The following HECTD4 variants were observed in gnomAD, a reference collection of about 807,000 sequenced individuals.
HECTD4 encodes HECT domain E3 ubiquitin protein ligase 4.
Under a neutral mutation model 471.5 loss-of-function variants are expected in HECTD4, and 114 were observed. The ratio of observed to expected loss-of-function variants is 0.24; its 90% CI spans 0.21 to 0.28. HECTD4 has a LOEUF of 0.28. HECTD4 is among the 10% of genes least tolerant of loss of function. The pLI, the probability that HECTD4 is intolerant of heterozygous loss-of-function variation, is 1.00. For synonymous variants in HECTD4, 2,012 were observed against 2,256.0 expected, an observed-to-expected ratio of 0.89 and a Z score of 3.07; for missense variants, 3,866 against 5,651.5, an observed-to-expected ratio of 0.68 and a Z score of 10.13.
In HECTD4 at chr12:112,190,942, C is replaced by G; in HGVS notation, c.9316G>C (p.Val3106Leu). The change falls in exon 60 of 76, where the codon GTC becomes CTC. Residue 3106 changes from valine to leucine, a missense_variant. Val to Leu is a conservative substitution (Grantham distance 32, BLOSUM62 1). Around this residue, in one of 16 missense-constraint regions of HECTD4, gnomAD observed 364 missense variants for 413.2 expected, o/e 0.88. Transcript: ENST00000682272. ...KLGVSPPPGAVLVLHSLPLEF... is the reference protein window; with the variant it reads ...KLGVSPPPGALLVLHSLPLEF... ...AGGGGCAGGGAATGTAACACCAGGA[C>G]TGCTCCAGGAGGTGGAGACACCCCT... 2 of 1,565,198 alleles carry G rather than the reference C, an allele frequency of 1.3e-6. No individual in the cohort carries two copies. The highest frequency in any genetic ancestry group is 1.7e-6 in the Non-Finnish European group (2 of 1,155,160).
intron 17 of HECTD4, among the ~76,000 whole-genome samples, chr12:112,263,045 G>T (rs2034185224): frequency 6.6e-6 from 1 of 151,954 alleles, no homozygotes; most frequent in Non-Finnish European, 1.5e-5. Context: ...ATACCACATG[G>T]CAGCAAAGTG....
chr12:112,162,627 C>A lies in HECTD4; in HGVS notation c.13121-104G>T. ...TCCAGGTTTGCCTCCTTGGGTAGCCCCAAGCCAATCCTGGGGCCCAGCAGG... is the reference window on the plus strand; with the variant it reads ...TCCAGGTTTGCCTCCTTGGGTAGCCACAAGCCAATCCTGGGGCCCAGCAGG... On this transcript the variant is annotated intron_variant, in intron 75 of 75. Coordinates refer to ENST00000682272, the MANE Select transcript of HECTD4 (RefSeq NM_001388303.1). The surrounding 1 kb of genome is among the most constrained non-coding windows in gnomAD (Gnocchi z 5.2). 7.2e-7 allele frequency: 1 copy of A among 1,379,502 alleles called. No individual in the cohort carries two copies. The highest frequency in any genetic ancestry group is 2.4e-5 in the East Asian group (1 of 41,800). 85.5% of individuals were successfully genotyped at this position (1,379,502 alleles called of 1,614,324 possible). A position where few individuals can be genotyped will look rare whatever the true frequency, so the allele number is the denominator to read the frequency against.
At chr12:112,218,925 G>C (rs2033008887) in intron 45 of HECTD4, among the ~76,000 whole-genome samples, 1 of 151,860 alleles carries the variant, frequency 6.6e-6, no homozygotes, top group South Asian at 2.1e-4. Context: ...AGTAGAGATG[G>C]GTTTCAACAT....
chr12:112,162,284 C>A lies in HECTD4; in HGVS notation c.*103G>T. 7.2e-7 allele frequency: 1 copy of A among 1,387,516 alleles called. No homozygotes were observed. The highest frequency in any genetic ancestry group is 1.3e-5 in the South Asian group (1 of 77,350). 86.0% of individuals were successfully genotyped at this position (1,387,516 alleles called of 1,614,324 possible). ...AAAGTTTGGAAAAGCAAAATGTTGC[C>A]AACTCCTCACGCAGGGCCCTGGAGG... On this transcript the variant is annotated 3_prime_UTR_variant, in exon 76 of 76. Transcript: ENST00000682272. The surrounding 1 kb of genome is among the most constrained non-coding windows in gnomAD (Gnocchi z 5.2).
chr12:112,214,931 ATTAC>A (rs1362870283), intron 48 of HECTD4, among the ~76,000 whole-genome samples: 1 of 152,026 alleles, frequency 6.6e-6, no homozygotes, highest in East Asian at 1.9e-4. Flanking sequence ...AGGCAGGGAG[ATTAC>A]TTGAGATCAG....
chr12:112,302,203 C>T (rs953629310), intron 7 of HECTD4: 51 of 1,304,992 alleles, frequency 3.9e-5, no homozygotes, highest in Non-Finnish European at 4.9e-5. Context: ...CGTGTGCAAT[C>T]ACCACCAGCT....
At chr12:112,214,719 T>G (rs10850016) in intron 48 of HECTD4, among the ~76,000 whole-genome samples, 1 of 152,124 alleles carries the variant, frequency 6.6e-6, no homozygotes, top group Non-Finnish European at 1.5e-5. Context: ...CCCCCTGACA[T>G]ACACCCTTTT....
chr12:112,163,816 G>A lies in HECTD4; in HGVS notation c.12702-79C>T. On this transcript the variant is annotated intron_variant, in intron 73 of 75. Transcript: ENST00000682272. This position sits in a 1 kb window ranked among gnomAD's most constrained non-coding sequence, Gnocchi z 8.2. ...TGGGGGCCACACCCACTCAGCTGGAGGTCCCGGATCCTCTCTTGGGAGAGG... is the reference window on the plus strand; with the variant it reads ...TGGGGGCCACACCCACTCAGCTGGAAGTCCCGGATCCTCTCTTGGGAGAGG... The A allele has an allele frequency of 7.9e-7, 1 of 1,273,834 alleles. No individual in the cohort carries two copies. The highest frequency in any genetic ancestry group is 1.8e-5 in the South Asian group (1 of 56,434). The allele number at this position is 1,273,834 out of a possible 1,614,324, so 78.9% of individuals were successfully genotyped here.
intron 1 of HECTD4, among the ~76,000 whole-genome samples, chr12:112,353,355 T>A (rs1299787907): frequency 6.6e-6 from 1 of 152,246 alleles, no homozygotes; most frequent in Admixed American, 6.5e-5. Flanking sequence ...CTAAACATGC[T>A]ACTGAGAGAA....
chr12:112,339,732 C>T (rs1160598575), intron 1 of HECTD4, among the ~76,000 whole-genome samples: 1 of 152,108 alleles, frequency 6.6e-6, no homozygotes, highest in Non-Finnish European at 1.5e-5. Context: ...ATAAACCTAC[C>T]ATAAGTGGAA....
At position 112,348,196 on chromosome 12, in the gene HECTD4, A is replaced by C. The variant is rs1251894849; in HGVS notation, c.178-28454T>G. Reference sequence around the variant, plus strand: ...ATATTAAGAAATAAACTAGATTAACACAAGAGTAGTTCTACAAGGGAATGC... The same window carrying C: ...ATATTAAGAAATAAACTAGATTAACCCAAGAGTAGTTCTACAAGGGAATGC... On this transcript the variant is annotated intron_variant, in intron 1 of 75. Coordinates refer to ENST00000682272, the MANE Select transcript of HECTD4 (RefSeq NM_001388303.1). 2.0e-5 allele frequency among the ~76,000 whole-genome samples: 3 copies of C among 152,256 alleles called. No homozygotes were observed. The East Asian group carries it at 5.8e-4, about 29-fold the overall frequency.
At chr12:112,317,956 CAAAAAAAAA>C (rs59773169) in intron 2 of HECTD4, among the ~76,000 whole-genome samples, 35 of 22,242 alleles carry the variant, frequency 1.6e-3, no homozygotes, top group East Asian at 9.6e-3. Flanking sequence ...GACCCCATCT[CAAAAAAAAA>C]AAAAAAAAAA....
chr12:112,287,430 A>T (rs937007209), intron 7 of HECTD4, among the ~76,000 whole-genome samples: 1 of 152,162 alleles, frequency 6.6e-6, no homozygotes, highest in African/African-American at 2.4e-5. Context: ...CCTTAGGGAG[A>T]AGAGGGGAAG....
Position 112,163,346 on chromosome 12 carries a change from G to A in HECTD4, c.12898-82C>T, listed in dbSNP as rs1232030050. On this transcript the variant is annotated intron_variant, in intron 74 of 75. Coordinates refer to ENST00000682272, the MANE Select transcript of HECTD4 (RefSeq NM_001388303.1). This position sits in a 1 kb window ranked among gnomAD's most constrained non-coding sequence, Gnocchi z 8.2. The stretch of plus-strand genomic sequence containing the variant: ...CCCCAGCCCTGGGGTCTGCAGGCCA[G>A]GCCCAATCCTGGGGCAGGGTGCAAC... The A allele has an allele frequency of 7.5e-7, 1 of 1,327,006 alleles. No individual in the cohort carries two copies. The highest frequency in any genetic ancestry group is 1.0e-6 in the Non-Finnish European group (1 of 964,310). The allele number at this position is 1,327,006 out of a possible 1,614,324, so 82.2% of individuals were successfully genotyped here. A position where few individuals can be genotyped will look rare whatever the true frequency, so the allele number is the denominator to read the frequency against.
At chr12:112,248,716 G>T (rs1468388929) in intron 25 of HECTD4, among the ~76,000 whole-genome samples, 1 of 152,160 alleles carries the variant, frequency 6.6e-6, no homozygotes, top group African/African-American at 2.4e-5. Context: ...AGGTAGCTGA[G>T]ACTACAGGTG....
At chr12:112,362,138 G>A (rs1194886172) in intron 1 of HECTD4, among the ~76,000 whole-genome samples, 1 of 152,144 alleles carries the variant, frequency 6.6e-6, no homozygotes, top group Non-Finnish European at 1.5e-5. Context: ...CTCTATTGCT[G>A]TGATACTTAA....
chr12:112,175,771 C>T lies in HECTD4; in HGVS notation c.11559G>A (p.Ala3853=), dbSNP rs772503168. Residue 3853 remains alanine (A), a synonymous_variant, in exon 66 of 76, where the codon GCG becomes GCA. Transcript: ENST00000682272. ...ARQDIRSVWR[A]ILSCGYDLHF... ...GAAGATCGTAACCACAGGACAAGATCGCCCTCCAGACGCTACGGATATCTT... is the reference window on the plus strand; with the variant it reads ...GAAGATCGTAACCACAGGACAAGATTGCCCTCCAGACGCTACGGATATCTT... 1.8e-5 allele frequency: 29 copies of T among 1,612,974 alleles called. No individual in the cohort carries two copies. The highest frequency in any genetic ancestry group is 1.8e-5 in the Non-Finnish European group (21 of 1,179,514).
chr12:112,375,995 G>A (rs879298654), intron 1 of HECTD4, among the ~76,000 whole-genome samples: 9 of 151,440 alleles, frequency 5.9e-5, no homozygotes, highest in Non-Finnish European at 8.8e-5. Flanking sequence ...AGAATCCCTT[G>A]AACCTGAGAG....
chr12:112,210,271 G>T lies in HECTD4; in HGVS notation c.7630-19C>A. 1 of 1,604,072 alleles carries T rather than the reference G, an allele frequency of 6.2e-7. No homozygotes were observed. The highest frequency in any genetic ancestry group is 8.5e-7 in the Non-Finnish European group (1 of 1,171,170). ...TGGTGTTCTGGAAAGGAGACCAAATGAAGGATTTGGAAAGACTTACGTTTA... is the reference window on the plus strand; with the variant it reads ...TGGTGTTCTGGAAAGGAGACCAAATTAAGGATTTGGAAAGACTTACGTTTA... On this transcript the variant is annotated intron_variant, in intron 49 of 75. Coordinates refer to ENST00000682272, the MANE Select transcript of HECTD4 (RefSeq NM_001388303.1).
Sources: gnomAD v4.1 joint callset for allele counts (sites outside exome capture counted in the v4.1 genomes callset) on GRCh38, gnomAD v4.1.1 for gene constraint, gnomAD v4.1.1 regional missense constraint, Gnocchi (gnomAD v3.1) non-coding constraint, MANE v1.5 for transcripts, NCBI Gene and HGNC (gene_info 2026-07-23, HGNC 2026-07-21) for gene names.